The following LHFPL6 variants were observed in gnomAD, a reference collection of about 807,000 sequenced individuals.
LHFPL6 encodes the protein LHFPL tetraspan subfamily member 6.
LHFPL6 carries 9 observed loss-of-function variants against 20.6 expected under a neutral mutation model. The observed-to-expected ratio is 0.44, with a 90% confidence interval of 0.26 to 0.76. The LOEUF is 0.76. LHFPL6 is among the 30% of genes least tolerant of loss of function. The pLI is 0.20. For missense variants in LHFPL6, 218 were observed against 253.5 expected (o/e 0.86, Z 0.95); for synonymous variants, 105 against 98.7 (o/e 1.06, Z -0.38).
intron 3 of LHFPL6, among the ~76,000 whole-genome samples, chr13:39,359,185 GGTGT>G (rs1869812079): frequency 6.6e-6 from 1 of 152,086 alleles, no homozygotes; most frequent in East Asian, 1.9e-4. Context: ...TAAAAACATA[GGTGT>G]TGGCAGGACT....
chr13:39,561,985 G>A (rs990528215), intron 2 of LHFPL6, among the ~76,000 whole-genome samples: 3 of 152,058 alleles, frequency 2.0e-5, no homozygotes, highest in Non-Finnish European at 4.4e-5. Flanking sequence ...AGCAGGATGA[G>A]GGCCAAATCT....
intron 2 of LHFPL6, among the ~76,000 whole-genome samples, chr13:39,587,185 A>G (rs577483966): frequency 6.6e-6 from 1 of 152,072 alleles, no homozygotes; most frequent in South Asian, 2.1e-4. Flanking sequence ...CTCAGCTTGG[A>G]ACATAAATCA....
intron 2 of LHFPL6, among the ~76,000 whole-genome samples, chr13:39,567,315 T>C (rs1161643433): frequency 2.6e-5 from 4 of 152,244 alleles, no homozygotes; most frequent in Non-Finnish European, 4.4e-5. Flanking sequence ...TTTTTTCTGA[T>C]AGCCAATACA....
chr13:39,344,828 G>C lies in LHFPL6; in HGVS notation c.485-774C>G, dbSNP rs924793115. On this transcript the variant is annotated intron_variant, in intron 3 of 3. Coordinates refer to ENST00000379589, the MANE Select transcript of LHFPL6 (RefSeq NM_005780.3). ...ACAAAAAAGCTTCTCAGCATTTAAA[G>C]AAGTTGGTGACTTACCCATAGTCAT... Among the ~76,000 whole-genome samples, 4 of 152,332 alleles carry C rather than the reference G, an allele frequency of 2.6e-5. No individual in the cohort carries two copies. In the East Asian group the frequency reaches 7.7e-4, roughly 29 times the overall value.
At chr13:39,489,334 C>T (rs1011221837) in intron 2 of LHFPL6, among the ~76,000 whole-genome samples, 4 of 152,116 alleles carry the variant, frequency 2.6e-5, no homozygotes, top group Middle Eastern at 3.2e-3. Flanking sequence ...AGTCAGGGGG[C>T]CCAGGTTCCA....
intron 1 of LHFPL6, among the ~76,000 whole-genome samples, chr13:39,601,928 C>T (rs1205893956): frequency 1.3e-5 from 2 of 152,198 alleles, no homozygotes; most frequent in African/African-American, 4.8e-5. Context: ...GAGGCACCCA[C>T]AGTACAGAAC....
At chr13:39,559,190 C>T (rs1871396770) in intron 2 of LHFPL6, among the ~76,000 whole-genome samples, 2 of 152,184 alleles carry the variant, frequency 1.3e-5, no homozygotes, top group Non-Finnish European at 1.5e-5. Flanking sequence ...GACTCAGTGC[C>T]TCTCCTCCAG....
intron 2 of LHFPL6, among the ~76,000 whole-genome samples, chr13:39,542,171 A>G (rs1870828848): frequency 6.6e-6 from 1 of 151,314 alleles, no homozygotes. Context: ...AAGGCATGTG[A>G]GGGAGGCTGA....
chr13:39,579,288 C>T (rs1310466285), intron 2 of LHFPL6, among the ~76,000 whole-genome samples: 2 of 152,180 alleles, frequency 1.3e-5, no homozygotes, highest in African/African-American at 4.8e-5. Context: ...TCTTCTGAGC[C>T]ATTTTGAAAC....
At chr13:39,594,989 G>A (rs1269731534) in intron 2 of LHFPL6, among the ~76,000 whole-genome samples, 1 of 152,056 alleles carries the variant, frequency 6.6e-6, no homozygotes, top group Non-Finnish European at 1.5e-5. Flanking sequence ...AGGGAGGAGG[G>A]ATAGCATTAG....
intron 2 of LHFPL6, among the ~76,000 whole-genome samples, chr13:39,501,549 C>T (rs1869294636): frequency 6.6e-6 from 1 of 152,108 alleles, no homozygotes; most frequent in Non-Finnish European, 1.5e-5. Context: ...TCCTACAAAA[C>T]ATATTGAGGC....
intron 2 of LHFPL6, among the ~76,000 whole-genome samples, chr13:39,521,682 CA>C (rs1870111028): frequency 6.6e-6 from 1 of 152,144 alleles, no homozygotes; most frequent in Non-Finnish European, 1.5e-5. Context: ...CCTCAGATTA[CA>C]GAAGTAAAAT....
intron 2 of LHFPL6, among the ~76,000 whole-genome samples, chr13:39,403,862 C>T (rs1871050911): frequency 6.6e-6 from 1 of 152,148 alleles, no homozygotes; most frequent in Non-Finnish European, 1.5e-5. Context: ...GGCTTGAATC[C>T]CGTACCTCTT....
intron 2 of LHFPL6, among the ~76,000 whole-genome samples, chr13:39,543,690 G>A (rs1021700017): frequency 4.6e-5 from 7 of 152,100 alleles, no homozygotes; most frequent in South Asian, 2.1e-4. Flanking sequence ...AAATAGTGCT[G>A]GATTGGGAGT....
intron 3 of LHFPL6, among the ~76,000 whole-genome samples, chr13:39,355,516 A>T (rs1242360190): frequency 7.2e-5 from 11 of 152,192 alleles, no homozygotes; most frequent in African/African-American, 2.4e-4. Context: ...TGATAACATG[A>T]TCAAAACCTC....
At chr13:39,557,363 G>A (rs770567048) in intron 2 of LHFPL6, among the ~76,000 whole-genome samples, 123 of 152,356 alleles carry the variant, frequency 8.1e-4, no homozygotes, top group Admixed American at 1.2e-3. Flanking sequence ...ATGCAAGAGC[G>A]AAGGGGGCTT....
intron 2 of LHFPL6, among the ~76,000 whole-genome samples, chr13:39,565,089 T>G (rs1488122990): frequency 6.6e-6 from 1 of 152,208 alleles, no homozygotes; most frequent in Admixed American, 6.5e-5. Flanking sequence ...AAAATGACCA[T>G]TGTTGTTTAA....
At chr13:39,587,929 G>A (rs919544006) in intron 2 of LHFPL6, among the ~76,000 whole-genome samples, 3 of 152,030 alleles carry the variant, frequency 2.0e-5, no homozygotes, top group Non-Finnish European at 2.9e-5. Flanking sequence ...ACTGCACAAG[G>A]AAAAGCAAGA....
intron 2 of LHFPL6, among the ~76,000 whole-genome samples, chr13:39,479,034 T>TAGAGATAG (rs1555264216): frequency 0.01 from 1,456 of 144,052 alleles, 10 homozygotes; most frequent in Middle Eastern, 0.027. Flanking sequence ...GGGAGATAGA[T>TAGAGATAG]ATAGATAGAT....
Sources: allele counts gnomAD v4.1 joint callset (sites outside exome capture counted in the v4.1 genomes callset), GRCh38; gene constraint gnomAD v4.1.1; transcripts MANE v1.5; gene names NCBI Gene and HGNC (gene_info 2026-07-23, HGNC 2026-07-21).